Variants in VMP1 observed in about 807,000 individuals in gnomAD.
The protein encoded by VMP1 is ectopic P-granules autophagy protein 3 homolog.
Under a neutral mutation model 56.0 loss-of-function variants are expected in VMP1, and 11 were observed. The observed-to-expected ratio is 0.20, with a 90% CI of 0.12 to 0.32. The LOEUF (loss-of-function observed/expected upper bound fraction) is 0.32, where lower values mean the gene tolerates loss of function less well. VMP1 is among the 10% of genes least tolerant of loss of function. The probability of loss-of-function intolerance (pLI) is 1.00; values close to 1 mark genes in which losing one functional copy is unlikely to be tolerated. For synonymous variants in VMP1, 149 were observed against 165.0 expected, an observed-to-expected ratio of 0.90 and a Z score of 0.74; for missense variants, 296 against 490.3, an observed-to-expected ratio of 0.60 and a Z score of 3.74.
At position 59,801,112 on chromosome 17, in the gene VMP1, A is replaced by ATGTGTGTG. The variant is rs71145573; in HGVS notation, c.715-7654_715-7647dup. Among the ~76,000 whole-genome samples, 82 of 110,316 alleles carry ATGTGTGTG rather than the reference A, an allele frequency of 7.4e-4. 2 individuals carry two copies. The highest frequency in any genetic ancestry group is 3.5e-3 in the African/African-American group (80 of 22,726). 72.4% of individuals were successfully genotyped at this position (110,316 alleles called of 152,430 possible). A position where few individuals can be genotyped will look rare whatever the true frequency, so the allele number is the denominator to read the frequency against. On this transcript the variant is annotated intron_variant, in intron 7 of 11. Coordinates refer to ENST00000262291, the MANE Select transcript of VMP1 (RefSeq NM_030938.5). ...AAAAAATATATATATATATATATAT[A>ATGTGTGTG]TGTGTGTGTGTGTGTGTGTGTGTGT...
At chr17:59,836,719 G>GTTT (rs5821283) in intron 10 of VMP1, among the ~76,000 whole-genome samples, 2 of 138,738 alleles carry the variant, frequency 1.4e-5, no homozygotes, top group African/African-American at 5.3e-5. Context: ...GGGCAGTTTG[G>GTTT]TTTTTTTTTT....
At chr17:59,829,116 C>T (rs1378477130) in intron 10 of VMP1, among the ~76,000 whole-genome samples, 1 of 152,002 alleles carries the variant, frequency 6.6e-6, no homozygotes, top group Non-Finnish European at 1.5e-5. Context: ...ACTCCGTCTC[C>T]AAAAACAAAA....
intron 1 of VMP1, among the ~76,000 whole-genome samples, chr17:59,726,842 C>G (rs1190389458): frequency 1.3e-5 from 2 of 152,246 alleles, no homozygotes; most frequent in East Asian, 3.9e-4. Context: ...TTGGCTGAAT[C>G]TTCACACAAG....
chr17:59,794,320 T>C (rs2037354824), intron 7 of VMP1, among the ~76,000 whole-genome samples: 1 of 144,438 alleles, frequency 6.9e-6, no homozygotes, highest in Non-Finnish European at 1.5e-5. Context: ...CCTCCCGGGT[T>C]CAAGCAGTTC....
At chr17:59,725,551 CAAA>C (rs78026893) in intron 1 of VMP1, among the ~76,000 whole-genome samples, 6 of 112,452 alleles carry the variant, frequency 5.3e-5, no homozygotes, top group Non-Finnish European at 2.1e-5. Context: ...GTCAAAATGC[CAAA>C]AAAAAAAAAA....
chr17:59,750,926 C>CTTTTTTTT lies in VMP1; in HGVS notation c.414+11995_414+12002dup, dbSNP rs35948198. Among the ~76,000 whole-genome samples, 5 of 91,006 alleles carry CTTTTTTTT rather than the reference C, an allele frequency of 5.5e-5. 1 individual carries two copies. The highest frequency in any genetic ancestry group is 8.0e-5 in the Non-Finnish European group (4 of 49,918). The allele number at this position is 91,006 out of a possible 152,430, so 59.7% of individuals were successfully genotyped here. ...CTGGCAGATTTTTCCAAGATAGCAC[C>CTTTTTTTT]TTTTTTTTTTTTTTTTTTTTTTTGG... On this transcript the variant is annotated intron_variant, in intron 5 of 11. Coordinates refer to ENST00000262291, the MANE Select transcript of VMP1 (RefSeq NM_030938.5).
intron 7 of VMP1, among the ~76,000 whole-genome samples, chr17:59,784,142 T>TGTGAGAGA (rs556387089): frequency 4.1e-4 from 53 of 130,462 alleles, no homozygotes; most frequent in African/African-American, 1.5e-3. Context: ...TGTGTGTGTG[T>TGTGAGAGA]GAGAGAGAGA....
chr17:59,767,521 A>G (rs1043277597), intron 6 of VMP1, among the ~76,000 whole-genome samples: 15 of 152,338 alleles, frequency 9.8e-5, no homozygotes, highest in South Asian at 2.1e-4. Context: ...CATGCTAGAA[A>G]AGGGACTTTG....
chr17:59,715,361 G>A (rs1568009836), intron 1 of VMP1, among the ~76,000 whole-genome samples: 2 of 152,164 alleles, frequency 1.3e-5, no homozygotes, highest in African/African-American at 4.8e-5. Context: ...CAATCATGGT[G>A]GTAGGGGAAA....
intron 6 of VMP1, among the ~76,000 whole-genome samples, chr17:59,773,302 G>A (rs1285866075): frequency 1.3e-5 from 2 of 149,198 alleles, no homozygotes; most frequent in South Asian, 4.2e-4. Context: ...TATCAGAAGC[G>A]GTGGGGGGGG....
At chr17:59,767,590 A>G (rs1379100337) in intron 6 of VMP1, among the ~76,000 whole-genome samples, 2 of 152,136 alleles carry the variant, frequency 1.3e-5, no homozygotes, top group Admixed American at 1.3e-4. Context: ...AATTATTTAC[A>G]TTGCTGGATT....
Position 59,731,828 on chromosome 17 carries a change from A to G in VMP1, c.76+306A>G, listed in dbSNP as rs914242237. On this transcript the variant is annotated intron_variant, in intron 2 of 11. Coordinates refer to ENST00000262291, the MANE Select transcript of VMP1 (RefSeq NM_030938.5). The stretch of plus-strand genomic sequence containing the variant: ...TATTGTGCTATTTTGTAATTCTAGA[A>G]GTAGATTATAAACTTACTACACTGT... Among the ~76,000 whole-genome samples, 3 of 152,224 alleles carry G rather than the reference A, an allele frequency of 2.0e-5. No homozygotes were observed. In the East Asian group the frequency reaches 5.8e-4, roughly 29 times the overall value.
intron 9 of VMP1, among the ~76,000 whole-genome samples, chr17:59,817,030 A>T (rs2144254742): frequency 6.6e-6 from 1 of 151,096 alleles, no homozygotes; most frequent in South Asian, 2.1e-4. Flanking sequence ...GCACTTTGGG[A>T]GGCTGAGGCA....
At chr17:59,737,156 C>A (rs1268434210) in intron 3 of VMP1, among the ~76,000 whole-genome samples, 1 of 152,182 alleles carries the variant, frequency 6.6e-6, no homozygotes, top group Non-Finnish European at 1.5e-5. Flanking sequence ...GACTTGAAGG[C>A]CAGTGCTCTT....
At chr17:59,801,740 C>T (rs576939856) in intron 7 of VMP1, among the ~76,000 whole-genome samples, 1 of 152,014 alleles carries the variant, frequency 6.6e-6, no homozygotes, top group African/African-American at 2.4e-5. Flanking sequence ...ACTACAAATA[C>T]AAAAATTAGC....
At chr17:59,718,917 G>A (rs2034280932) in intron 1 of VMP1, among the ~76,000 whole-genome samples, 1 of 151,810 alleles carries the variant, frequency 6.6e-6, no homozygotes, top group African/African-American at 2.4e-5. Context: ...AATTTTCAGA[G>A]TACACATTCT....
At chr17:59,724,301 G>T (rs1015484777) in intron 1 of VMP1, among the ~76,000 whole-genome samples, 1 of 152,004 alleles carries the variant, frequency 6.6e-6, no homozygotes, top group Non-Finnish European at 1.5e-5. Flanking sequence ...AACGTTTTGG[G>T]AGCAAAAACA....
intron 5 of VMP1, among the ~76,000 whole-genome samples, chr17:59,747,038 T>C (rs2035447747): frequency 6.6e-6 from 1 of 152,210 alleles, no homozygotes. Flanking sequence ...CTAGGTGGCA[T>C]TGCTAATACA....
At chr17:59,714,046 G>GAA (rs771155795) in intron 1 of VMP1, among the ~76,000 whole-genome samples, 55 of 61,760 alleles carry the variant, frequency 8.9e-4, no homozygotes, top group Admixed American at 5.7e-3. Flanking sequence ...GTCTTAAAAG[G>GAA]AAAAAAAAAA....
Sources: allele counts gnomAD v4.1 joint callset (sites outside exome capture counted in the v4.1 genomes callset), GRCh38; gene constraint gnomAD v4.1.1; transcripts MANE v1.5; gene names NCBI Gene and HGNC (gene_info 2026-07-23, HGNC 2026-07-21).